The following CDK14 variants were observed in gnomAD, a reference collection of about 807,000 sequenced individuals.
CDK14 encodes cyclin dependent kinase 14, also known as cyclin-dependent kinase 14.
A neutral mutation model predicts 60.7 loss-of-function variants in CDK14; 34 were observed. The ratio of observed to expected loss-of-function variants is 0.56; its 90% CI spans 0.43 to 0.75. The LOEUF (loss-of-function observed/expected upper bound fraction) is 0.75, where lower values mean the gene tolerates loss of function less well. Among genes scored for constraint, CDK14 ranks in the 30% least tolerant of loss-of-function variants. The pLI is 0.00. For missense variants in CDK14, 482 were observed against 564.1 expected (o/e 0.85, Z 1.47); for synonymous variants, 197 against 203.7 (o/e 0.97, Z 0.28).
At chr7:91,076,479 C>A (rs779215251) in intron 11 of CDK14, among the ~76,000 whole-genome samples, 2 of 152,030 alleles carry the variant, frequency 1.3e-5, no homozygotes, top group African/African-American at 4.8e-5. Context: ...CCCTTCCTTA[C>A]ACCTTATACA....
intron 5 of CDK14, among the ~76,000 whole-genome samples, chr7:90,795,835 G>A (rs1040945370): frequency 6.6e-6 from 1 of 152,154 alleles, no homozygotes; most frequent in Middle Eastern, 3.2e-3. Context: ...CTTACTGTTG[G>A]TGCTAGTCTT....
intron 10 of CDK14, among the ~76,000 whole-genome samples, chr7:90,995,142 C>T (rs750758920): frequency 5.3e-5 from 8 of 152,178 alleles, no homozygotes; most frequent in Non-Finnish European, 1.2e-4. Context: ...TGGGATATCA[C>T]TTCTGAGACT....
chr7:91,103,845 A>G (rs900446480), intron 12 of CDK14, among the ~76,000 whole-genome samples: 19 of 138,862 alleles, frequency 1.4e-4, no homozygotes, highest in Non-Finnish European at 2.9e-4. Context: ...AGAGAGAGAA[A>G]GAGAGAGAGA....
chr7:90,878,791 AAAAG>A (rs1173077882), intron 6 of CDK14, among the ~76,000 whole-genome samples: 2 of 152,214 alleles, frequency 1.3e-5, no homozygotes, highest in African/African-American at 4.8e-5. Flanking sequence ...TAATTTTAAA[AAAAG>A]AGAGAAGTAA....
intron 2 of CDK14, among the ~76,000 whole-genome samples, chr7:90,639,858 C>A (rs1800274789): frequency 6.6e-6 from 1 of 152,142 alleles, no homozygotes; most frequent in Non-Finnish European, 1.5e-5. Flanking sequence ...TGCTACCTTG[C>A]AGTTTGATCT....
At chr7:90,813,193 T>C (rs548947906) in intron 5 of CDK14, among the ~76,000 whole-genome samples, 2 of 152,280 alleles carry the variant, frequency 1.3e-5, no homozygotes, top group Non-Finnish European at 2.9e-5. Flanking sequence ...GATGGAATCT[T>C]GCTCTGTCGC....
intron 14 of CDK14, among the ~76,000 whole-genome samples, chr7:91,156,514 A>T (rs1800988047): frequency 6.6e-6 from 1 of 152,092 alleles, no homozygotes; most frequent in African/African-American, 2.4e-5. Context: ...AATATGGCTC[A>T]CCATGACTGA....
chr7:90,774,560 G>A (rs1193048153), intron 4 of CDK14, among the ~76,000 whole-genome samples: 1 of 152,020 alleles, frequency 6.6e-6, no homozygotes, highest in Non-Finnish European at 1.5e-5. Flanking sequence ...ATATTCAATG[G>A]TAACATTTCC....
intron 2 of CDK14, among the ~76,000 whole-genome samples, chr7:90,725,308 T>G (rs1286961698): frequency 6.6e-6 from 1 of 152,198 alleles, no homozygotes; most frequent in South Asian, 2.1e-4. Flanking sequence ...TGTGTTTTCC[T>G]GTATACTTTT....
At chr7:90,989,212 C>A (rs1795464686) in intron 10 of CDK14, among the ~76,000 whole-genome samples, 1 of 152,092 alleles carries the variant, frequency 6.6e-6, no homozygotes, top group Admixed American at 6.6e-5. Flanking sequence ...GAACCATAAT[C>A]CTGCAGCTTC....
At chr7:90,899,844 A>G (rs1792446369) in intron 7 of CDK14, among the ~76,000 whole-genome samples, 1 of 152,178 alleles carries the variant, frequency 6.6e-6, no homozygotes, top group African/African-American at 2.4e-5. Context: ...CCGAGTATCA[A>G]AAGAACTATG....
chr7:90,957,225 C>T (rs539663859), intron 9 of CDK14, among the ~76,000 whole-genome samples: 97 of 151,896 alleles, frequency 6.4e-4, no homozygotes, highest in Non-Finnish European at 8.1e-4. Context: ...GTTTACAGTC[C>T]CACCAACAGT....
At chr7:91,056,124 A>G (rs1797546301) in intron 11 of CDK14, among the ~76,000 whole-genome samples, 1 of 152,238 alleles carries the variant, frequency 6.6e-6, no homozygotes, top group Non-Finnish European at 1.5e-5. Flanking sequence ...ATGTAAAACA[A>G]GAAAACGTTG....
At chr7:90,814,437 A>G (rs1789267103) in intron 5 of CDK14, among the ~76,000 whole-genome samples, 1 of 152,198 alleles carries the variant, frequency 6.6e-6, no homozygotes, top group African/African-American at 2.4e-5. Flanking sequence ...TAATCACAAA[A>G]TACTTGTTTA....
In CDK14 at chr7:90,984,232, A is replaced by C. The variant is rs961866758; in HGVS notation, c.1032A>C (p.Arg344=). ...AAGACATTCAGGATCAACTTGAACG[A>C]ATATTTCTGGTAAGTCCTTTACAGA... The part of the protein sequence containing the change: ...GMKDIQDQLE[R]IFLVLGTPNE... The change falls in exon 10 of 15, where the codon CGA becomes CGC. Residue 344 remains arginine, a synonymous_variant. Transcript: ENST00000380050. 1 of 1,606,478 alleles carries C rather than the reference A, an allele frequency of 6.2e-7. No individual in the cohort carries two copies. The highest frequency in any genetic ancestry group is 8.5e-7 in the Non-Finnish European group (1 of 1,173,128).
At chr7:91,095,858 A>G (rs1234054833) in intron 12 of CDK14, among the ~76,000 whole-genome samples, 3 of 152,084 alleles carry the variant, frequency 2.0e-5, no homozygotes, top group Admixed American at 6.6e-5. Flanking sequence ...CTACTTTCCC[A>G]AAATTATCTT....
chr7:91,028,403 G>C (rs147154885), intron 10 of CDK14, among the ~76,000 whole-genome samples: 1 of 152,094 alleles, frequency 6.6e-6, no homozygotes, highest in Non-Finnish European at 1.5e-5. Flanking sequence ...GGGAGTGCAG[G>C]TATCTTTTTT....
intron 9 of CDK14, among the ~76,000 whole-genome samples, chr7:90,973,452 G>A (rs537302384): frequency 1.8e-4 from 28 of 152,218 alleles, no homozygotes; most frequent in African/African-American, 6.0e-4. Flanking sequence ...ATAAAAAAAC[G>A]AAAATCTAGG....
At chr7:90,820,794 G>A (rs919305287) in intron 5 of CDK14, among the ~76,000 whole-genome samples, 6 of 152,138 alleles carry the variant, frequency 3.9e-5, no homozygotes, top group African/African-American at 1.4e-4. Context: ...AACTCTAGTT[G>A]CATCTGGTGC....
Sources: gnomAD v4.1 joint callset for allele counts (sites outside exome capture counted in the v4.1 genomes callset) on GRCh38, gnomAD v4.1.1 for gene constraint, MANE v1.5 for transcripts, NCBI Gene and HGNC (gene_info 2026-07-23, HGNC 2026-07-21) for gene names.